ESPNL: variants seen among roughly 807,000 people sequenced by gnomAD.
ESPNL encodes the protein espin-like protein.
ESPNL carries 49 observed loss-of-function variants against 46.8 expected under a neutral mutation model. The ratio of observed to expected loss-of-function variants is 1.05; its 90% CI spans 0.83 to 1.33. ESPNL has a LOEUF of 1.33. ESPNL is among the 40% of genes most tolerant of loss of function. The pLI, the probability that ESPNL is intolerant of heterozygous loss-of-function variation, is 0.00. For missense variants in ESPNL, 1,540 were observed against 1,436.6 expected (o/e 1.07, Z -1.16); for synonymous variants, 664 against 662.1 (o/e 1.00, Z -0.04).
chr2:238,129,068 T>C, intron 8 of ESPNL, 164 bp downstream of exon 8: 1 of 1,429,852 alleles, frequency 7.0e-7, no homozygotes, highest in Non-Finnish European at 9.1e-7. Context: ...GAAGTGAACC[T>C]GACCAGAGGA....
At chr2:238,111,169 C>T (rs1005052026) in intron 4 of ESPNL, among the ~76,000 whole-genome samples, 18 of 151,932 alleles carry the variant, frequency 1.2e-4, no homozygotes, top group Admixed American at 2.0e-4. Flanking sequence ...TCAAATGATC[C>T]GCCCACCTCG....
At chr2:238,107,689 A>C in intron 3 of ESPNL, 102 bp from the exon 4 acceptor site, 5 of 1,170,580 alleles carry the variant, frequency 4.3e-6, no homozygotes, top group Non-Finnish European at 6.0e-6. Context: ...GTGCCCCGAG[A>C]GGTACAGCCA....
intron 6 of ESPNL, among the ~76,000 whole-genome samples, chr2:238,126,040 G>T (rs1378278376): frequency 1.4e-5 from 2 of 141,046 alleles, no homozygotes; most frequent in Non-Finnish European, 3.2e-5. Flanking sequence ...GTGTCTGTGT[G>T]ATTATGTCTG....
intron 6 of ESPNL, among the ~76,000 whole-genome samples, chr2:238,126,937 G>GTGTCTGTGTGTGTCTGTGAT (rs1228654662): frequency 8.6e-4 from 38 of 44,330 alleles, no homozygotes; most frequent in African/African-American, 3.1e-3. Context: ...GTCTGTGATT[G>GTGTCTGTGTGTGTCTGTGAT]TGTGTGTCAC....
intron 3 of ESPNL, among the ~76,000 whole-genome samples, chr2:238,105,598 C>T (rs967398109): frequency 3.3e-5 from 5 of 151,398 alleles, no homozygotes; most frequent in East Asian, 1.9e-4. Context: ...AGGAGGCGGC[C>T]GGACAAGGAG....
At chr2:238,122,229 G>A (rs992807904) in intron 5 of ESPNL, among the ~76,000 whole-genome samples, 3 of 152,232 alleles carry the variant, frequency 2.0e-5, no homozygotes, top group Non-Finnish European at 4.4e-5. Context: ...AGGCTCCATC[G>A]TGTCCAGGGC....
chr2:238,108,609 A>C (rs1691653684), intron 4 of ESPNL, among the ~76,000 whole-genome samples: 1 of 151,916 alleles, frequency 6.6e-6, no homozygotes, highest in African/African-American at 2.4e-5. Flanking sequence ...GGGTCTGTTC[A>C]CCTCCATGAA....
At chr2:238,124,566 G>GGA (rs1692055658) in intron 5 of ESPNL, among the ~76,000 whole-genome samples, 1 of 152,018 alleles carries the variant, frequency 6.6e-6, no homozygotes, top group Non-Finnish European at 1.5e-5. Flanking sequence ...CGTGTGTGCA[G>GGA]GAGAGTACGT....
chr2:238,130,214 G>A lies in ESPNL; in HGVS notation c.1500G>A (p.Glu500=). The change falls in exon 9 of 9, where the codon GAG becomes GAA. Residue 500 remains glutamate, a synonymous_variant. Transcript: ENST00000343063. ...AGGCCATCCTGGGGCCCTTTGGGGAGCTGCTGACAGAGGATGACCTGGTCT... is the reference window on the plus strand; with the variant it reads ...AGGCCATCCTGGGGCCCTTTGGGGAACTGCTGACAGAGGATGACCTGGTCT... The part of the protein sequence containing the change: ...THQAILGPFG[E]LLTEDDLVYL... 6.2e-7 allele frequency: 1 copy of A among 1,612,168 alleles called. No homozygotes were observed. The highest frequency in any genetic ancestry group is 1.1e-5 in the South Asian group (1 of 90,798).
intron 4 of ESPNL, among the ~76,000 whole-genome samples, chr2:238,110,666 C>A: frequency 8.6e-6 from 1 of 116,772 alleles, no homozygotes; most frequent in East Asian, 2.3e-4. Flanking sequence ...GTCCCAGGAT[C>A]CCATTTAGGA....
intron 5 of ESPNL, among the ~76,000 whole-genome samples, chr2:238,124,914 T>G (rs1692071520): frequency 6.6e-6 from 1 of 152,178 alleles, no homozygotes; most frequent in Non-Finnish European, 1.5e-5. Context: ...CACAGGGCGC[T>G]GGGCACAGCT....
Position 238,131,498 on chromosome 2 carries a change from C to T in ESPNL, c.2784C>T (p.Gly928=). 1 of 1,611,708 alleles carries T rather than the reference C, an allele frequency of 6.2e-7. No individual in the cohort carries two copies. The highest frequency in any genetic ancestry group is 2.2e-5 in the East Asian group (1 of 44,844). The part of the protein sequence containing the change: ...GFEDIKARFF[G]SSQRPAWDTE... ...AGGACATCAAAGCCCGCTTCTTTGG[C>T]TCCAGCCAGCGTCCCGCCTGGGATA... Residue 928 remains glycine (G), a synonymous_variant, in exon 9 of 9, where the codon GGC becomes GGT. Coordinates refer to ENST00000343063, the MANE Select transcript of ESPNL (RefSeq NM_194312.4).
At chr2:238,102,819 TCCTGTCCC>T (rs1461189357) in intron 2 of ESPNL, among the ~76,000 whole-genome samples, 2 of 152,136 alleles carry the variant, frequency 1.3e-5, no homozygotes, top group African/African-American at 4.8e-5. Context: ...GGGCGAACCT[TCCTGTCCC>T]CCAGGGACCC....
chr2:238,105,761 T>C (rs1196233580), intron 3 of ESPNL, among the ~76,000 whole-genome samples: 2 of 152,018 alleles, frequency 1.3e-5, no homozygotes, highest in Admixed American at 6.5e-5. Flanking sequence ...CACGGAAGGC[T>C]CGGAGCCAGG....
At position 238,132,794 on chromosome 2, in the gene ESPNL, G is replaced by C. The variant is rs1692372883; in HGVS notation, c.*1062G>C. Reference sequence around the variant, plus strand: ...GTCATCACCCAGGCTCTGGGGCTGAGGAGGGCTGGGCCCAAGCCCACAGGG... The same window carrying C: ...GTCATCACCCAGGCTCTGGGGCTGACGAGGGCTGGGCCCAAGCCCACAGGG... On this transcript the variant is annotated 3_prime_UTR_variant, in exon 9 of 9. Transcript: ENST00000343063. 1 of 152,362 alleles carries C rather than the reference G, an allele frequency of 6.6e-6. No individual in the cohort carries two copies. Among genetic ancestry groups the C allele is most frequent in the Admixed American group, 6.5e-5 (1 of 15,292 alleles). 9.4% of individuals were successfully genotyped at this position (152,362 alleles called of 1,614,324 possible).
rs1284244946 is a variant in ESPNL, at chr2:238,101,926, C to T, written c.295-15C>T. On this transcript the variant is annotated splice_polypyrimidine_tract_variant and intron_variant, in intron 1 of 8. Coordinates refer to ENST00000343063, the MANE Select transcript of ESPNL (RefSeq NM_194312.4). ...GGCCTACCCCCCACTCACTGACCTACCCGGGGCTTGGTAGGACCAAGATGC... is the reference window on the plus strand; with the variant it reads ...GGCCTACCCCCCACTCACTGACCTATCCGGGGCTTGGTAGGACCAAGATGC... The T allele has an allele frequency of 1.3e-6, 2 of 1,598,846 alleles. No homozygotes were observed. Among genetic ancestry groups the T allele is most frequent in the South Asian group, 1.1e-5 (1 of 89,298 alleles).
intron 5 of ESPNL, among the ~76,000 whole-genome samples, chr2:238,121,363 C>T (rs1691984686): frequency 1.3e-5 from 2 of 152,222 alleles, no homozygotes; most frequent in South Asian, 4.1e-4. Flanking sequence ...CTGGTGCTGC[C>T]CTTCCTGGGC....
chr2:238,103,145 G>A (rs1182726724), intron 2 of ESPNL, among the ~76,000 whole-genome samples: 1 of 152,230 alleles, frequency 6.6e-6, no homozygotes, highest in Non-Finnish European at 1.5e-5. Context: ...GACTTGGGCC[G>A]AGCACAGTGG....
At chr2:238,108,810 C>A (rs777647582) in intron 4 of ESPNL, among the ~76,000 whole-genome samples, 1 of 152,212 alleles carries the variant, frequency 6.6e-6, no homozygotes, top group African/African-American at 2.4e-5. Context: ...CTTCCTGGGG[C>A]CCCGGGTCAC....
Sources: gnomAD v4.1 joint callset for allele counts (sites outside exome capture counted in the v4.1 genomes callset) on GRCh38, gnomAD v4.1.1 for gene constraint, MANE v1.5 for transcripts, NCBI Gene and HGNC (gene_info 2026-07-23, HGNC 2026-07-21) for gene names.